The following CTDP1 variants were observed in gnomAD, a reference collection of about 807,000 sequenced individuals.
CTDP1 encodes RNA polymerase II subunit A C-terminal domain phosphatase.
A neutral mutation model predicts 91.8 loss-of-function variants in CTDP1; 47 were observed. The ratio of observed to expected loss-of-function variants is 0.51; its 90% CI spans 0.41 to 0.65. The LOEUF (loss-of-function observed/expected upper bound fraction) is 0.65, where lower values mean the gene tolerates loss of function less well. CTDP1 is among the 30% of genes least tolerant of loss of function. The probability of loss-of-function intolerance (pLI) is 0.00; values close to 1 mark genes in which losing one functional copy is unlikely to be tolerated. For synonymous variants in CTDP1, 656 were observed against 598.5 expected, an observed-to-expected ratio of 1.10 and a Z score of -1.40; for missense variants, 1,272 against 1,373.7, an observed-to-expected ratio of 0.93 and a Z score of 1.17.
intron 12 of CTDP1, among the ~76,000 whole-genome samples, chr18:79,739,824 A>G (rs569633858): frequency 3.7e-4 from 51 of 137,638 alleles, no homozygotes; most frequent in African/African-American, 1.3e-3. Flanking sequence ...TGGGACTCTC[A>G]TACCCACGGC....
At chr18:79,735,761 C>G (rs1172763207) in intron 11 of CTDP1, 1 of 157,570 alleles carries the variant, frequency 6.3e-6, no homozygotes, top group East Asian at 1.9e-4. Context: ...TCTGTTGCCA[C>G]TCCCGTCCGC....
Position 79,680,151 on chromosome 18 carries a change from A to G in CTDP1, c.204A>G (p.Val68=). The change falls in exon 1 of 13, where the codon GTA becomes GTG. Residue 68 remains valine, a synonymous_variant. Transcript: ENST00000613122. ...CCTCCGGGGCCTCTCAGTCCCGTGT[A>G]GCCTCCGGGGGCTGCGTGCGCCCCG... ...AQSSGASQSR[V]ASGGCVRPAR... is the part of the protein sequence containing the mutation. 1.4e-6 allele frequency: 2 copies of G among 1,421,404 alleles called. No individual in the cohort carries two copies. Among genetic ancestry groups the G allele is most frequent in the South Asian group, 1.4e-5 (1 of 70,074 alleles). 88.0% of individuals were successfully genotyped at this position (1,421,404 alleles called of 1,614,324 possible).
Position 79,736,817 on chromosome 18 carries a change from T to G in CTDP1, c.2747+296T>G, listed in dbSNP as rs544418319. 2.9e-3 allele frequency among the ~76,000 whole-genome samples: 438 copies of G among 148,646 alleles called. 1 individual carries two copies. Among genetic ancestry groups the G allele is most frequent in the African/African-American group, 1.0e-2 (399 of 40,084 alleles). ...CACGTGCACAGGCGTGTGGTGGGGG[T>G]ATGCACGTGTGCGCAGGCATGTGTG... On this transcript the variant is annotated intron_variant, in intron 12 of 12. Coordinates refer to ENST00000613122, the MANE Select transcript of CTDP1 (RefSeq NM_004715.5).
chr18:79,698,968 AAGTC>A lies in CTDP1; in HGVS notation c.621+987_621+990del, dbSNP rs1453678390. ...GAAGTTTGGTTAAGTTTGGCCTTGTAAGTCAGTCAGGTGGTCAGGGTGAGCTGCA... is the reference window on the plus strand; with the variant it reads ...GAAGTTTGGTTAAGTTTGGCCTTGTAAGTCAGGTGGTCAGGGTGAGCTGCA... On this transcript the variant is annotated intron_variant, in intron 4 of 12. Coordinates refer to ENST00000613122, the MANE Select transcript of CTDP1 (RefSeq NM_004715.5). Among the ~76,000 whole-genome samples the A allele has an allele frequency of 7.9e-5, 12 of 152,316 alleles. No individual in the cohort carries two copies. In the South Asian group the frequency reaches 1.4e-3, roughly 18 times the overall value.
chr18:79,730,179 T>C lies in CTDP1; in HGVS notation c.2580+1110T>C, dbSNP rs35235099. 8.8e-3 allele frequency among the ~76,000 whole-genome samples: 1,338 copies of C among 152,340 alleles called. 40 individuals are homozygous for C. The highest frequency in any genetic ancestry group is 0.082 in the East Asian group (425 of 5,182). On this transcript the variant is annotated intron_variant, in intron 11 of 12. Coordinates refer to ENST00000613122, the MANE Select transcript of CTDP1 (RefSeq NM_004715.5). ...GCCATTTTTCTGTCTTTTTGAACATTAGCTGTTTTTTGTTTCACAAAAATG... is the reference window on the plus strand; with the variant it reads ...GCCATTTTTCTGTCTTTTTGAACATCAGCTGTTTTTTGTTTCACAAAAATG...
chr18:79,739,188 C>G (rs3859320), intron 12 of CTDP1, among the ~76,000 whole-genome samples: 14,786 of 152,218 alleles, frequency 0.097, 1,249 homozygotes, highest in African/African-American at 0.23. Context: ...GTGGTTTAAC[C>G]TGATAGTTTT....
upstream of CTDP1, chr18:79,678,050 G>A (rs1431937458): frequency 2.0e-5 from 3 of 152,342 alleles, no homozygotes; most frequent in East Asian, 5.8e-4. Flanking sequence ...AGCAGAGATA[G>A]TCAAAAACCC....
chr18:79,684,121 G>A (rs2085434224), intron 1 of CTDP1, among the ~76,000 whole-genome samples: 1 of 152,256 alleles, frequency 6.6e-6, no homozygotes, highest in Admixed American at 6.5e-5. Flanking sequence ...CCTTAGTGAA[G>A]GTGGCTCTTG....
intron 1 of CTDP1, among the ~76,000 whole-genome samples, chr18:79,692,231 C>T (rs1052692137): frequency 6.6e-6 from 1 of 151,996 alleles, no homozygotes; most frequent in African/African-American, 2.4e-5. Context: ...AGGCGTTTGT[C>T]AGCCGTTGAT....
intron 11 of CTDP1, among the ~76,000 whole-genome samples, chr18:79,730,381 C>G (rs1231405576): frequency 6.6e-6 from 1 of 152,182 alleles, no homozygotes; most frequent in Non-Finnish European, 1.5e-5. Flanking sequence ...CCGTCTCCCT[C>G]CTGGTTTCCT....
chr18:79,681,294 C>T (rs2085361490), intron 1 of CTDP1: 2 of 183,274 alleles, frequency 1.1e-5, no homozygotes, highest in South Asian at 1.8e-4. Flanking sequence ...CTCACTCCTG[C>T]CCCCTGCGTG....
At chr18:79,732,267 C>CAT (rs2086581793) in intron 11 of CTDP1, among the ~76,000 whole-genome samples, 1 of 145,900 alleles carries the variant, frequency 6.9e-6, no homozygotes, top group African/African-American at 2.6e-5. Context: ...CCCAAAATCA[C>CAT]AGACATGAGA....
rs185886852 is a variant in CTDP1 at position 79,699,454 on chromosome 18, G to A, written c.621+1466G>A. Among the ~76,000 whole-genome samples the A allele has an allele frequency of 4.1e-3, 629 of 152,112 alleles. 4 individuals carry two copies. The highest frequency in any genetic ancestry group is 6.7e-3 in the Non-Finnish European group (458 of 67,990). ...TTTTTGTATTTTTTTTAGTAGAGAC[G>A]GGGTTTCACCGTGTTAGCCAGGATG... is the stretch of plus-strand genomic sequence containing the variant. On this transcript the variant is annotated intron_variant, in intron 4 of 12. Coordinates refer to ENST00000613122, the MANE Select transcript of CTDP1 (RefSeq NM_004715.5).
At chr18:79,709,235 A>C (rs1378000687) in intron 5 of CTDP1, among the ~76,000 whole-genome samples, 1 of 152,206 alleles carries the variant, frequency 6.6e-6, no homozygotes, top group Non-Finnish European at 1.5e-5. Context: ...TATGTTTCCT[A>C]TATACTCTGT....
chr18:79,679,800 A>C, upstream of CTDP1: 1 of 722,718 alleles, frequency 1.4e-6, no homozygotes, highest in South Asian at 1.9e-5. Context: ...CGCGCCCTCC[A>C]GGAAGTCGGC....
At chr18:79,727,868 T>C (rs1386577076) in intron 10 of CTDP1, among the ~76,000 whole-genome samples, 1 of 152,016 alleles carries the variant, frequency 6.6e-6, no homozygotes, top group Non-Finnish European at 1.5e-5. Context: ...ACCACCCCTT[T>C]CCCAGAGGCT....
chr18:79,701,539 AAATAAAT>A, intron 4 of CTDP1, among the ~76,000 whole-genome samples: 1 of 126,086 alleles, frequency 7.9e-6, no homozygotes, highest in East Asian at 2.1e-4. Flanking sequence ...TTAAATAAAT[AAATAAAT>A]AAATAAATAA....
intron 12 of CTDP1, among the ~76,000 whole-genome samples, chr18:79,741,224 G>A (rs968436832): frequency 2.0e-5 from 3 of 147,666 alleles, no homozygotes; most frequent in African/African-American, 7.6e-5. Flanking sequence ...GAGGTCCCCC[G>A]TGTGGTTGAT....
intron 10 of CTDP1, among the ~76,000 whole-genome samples, chr18:79,719,159 G>A (rs560578856): frequency 9.6e-4 from 146 of 152,366 alleles, no homozygotes; most frequent in African/African-American, 3.1e-3. Context: ...CTCTGGAAAC[G>A]CGCTCTAGTT....
Sources: gnomAD v4.1 joint callset for allele counts (sites outside exome capture counted in the v4.1 genomes callset) on GRCh38, gnomAD v4.1.1 for gene constraint, MANE v1.5 for transcripts, NCBI Gene and HGNC (gene_info 2026-07-23, HGNC 2026-07-21) for gene names.